The following CELA3A variants were observed in gnomAD, a reference collection of about 807,000 sequenced individuals.
The protein encoded by CELA3A is chymotrypsin like elastase 3A, also known as chymotrypsin-like elastase family member 3A.
CELA3A carries 35 observed loss-of-function variants against 38.6 expected under a neutral mutation model. That is an observed-to-expected ratio of 0.91 (90% CI 0.69 to 1.20). The LOEUF (loss-of-function observed/expected upper bound fraction) is 1.20. CELA3A is among the 50% of genes most tolerant of loss of function. The pLI is 0.00. For missense variants in CELA3A, 343 were observed against 354.2 expected, an observed-to-expected ratio of 0.97 and a Z score of 0.25; for synonymous variants, 143 against 136.7, an observed-to-expected ratio of 1.05 and a Z score of -0.32.
rs371200202 is a variant in CELA3A at position 22,005,811 on chromosome 1, C to T, written c.362+15C>T. 2.0e-5 allele frequency: 32 copies of T among 1,610,288 alleles called. No homozygotes were observed. The highest frequency in any genetic ancestry group is 1.1e-4 in the African/African-American group (8 of 74,502). ...GTGGCCTGTGGGTGAGTGAATGCTC[C>T]GGTCTGGAACCCAGGGGCTCCTCTA... On this transcript the variant is annotated intron_variant, in intron 4 of 7. Transcript: ENST00000290122.
intron 6 of CELA3A, among the ~76,000 whole-genome samples, chr1:22,007,849 C>A (rs1474372266): frequency 1.3e-5 from 2 of 151,378 alleles, no homozygotes; most frequent in Non-Finnish European, 2.9e-5. Context: ...TTATAATTAA[C>A]CATTAAGAAT....
At position 22,009,849 on chromosome 1, in the gene CELA3A, A is replaced by T. The variant is rs1644973249; in HGVS notation, c.787A>T (p.Ile263Phe). The change falls in exon 7 of 8, where the codon ATT becomes TTT. Residue 263 changes from isoleucine to phenylalanine, a missense_variant. Coordinates refer to ENST00000290122, the MANE Select transcript of CELA3A (RefSeq NM_005747.5). ...TCGAGTCTCCGCCTTCATCGACTGG[A>T]TTGAGGAGGTGAGGAGGGCAGGGCG... ...FTRVSAFIDW[I>F]EETIASH The T allele has an allele frequency of 6.2e-7, 1 of 1,612,070 alleles. No individual in the cohort carries two copies. Among genetic ancestry groups the T allele is most frequent in the East Asian group, 2.2e-5 (1 of 44,608 alleles).
chr1:22,009,609 A>C, intron 6 of CELA3A, 96 bp from the exon 7 acceptor site: 2 of 1,479,484 alleles, frequency 1.4e-6, no homozygotes, highest in Non-Finnish European at 1.8e-6. Flanking sequence ...AGAGGTGTCA[A>C]GTAATGTCAG....
chr1:22,006,165 C>T (rs1280059593), intron 4 of CELA3A: 2 of 249,020 alleles, frequency 8.0e-6, no homozygotes, highest in Admixed American at 4.8e-5. Context: ...GCATCCTGGG[C>T]TCCCAGCACT....
Position 22,009,743 on chromosome 1 carries a change from T to A in CELA3A, c.681T>A (p.Asp227Glu). Residue 227 changes from aspartate (D) to glutamate (E), a missense_variant, in exon 7 of 8, where the codon GAT becomes GAA. Asp to Glu is a conservative substitution (Grantham distance 45). Transcript: ENST00000290122. ...SGGPLNCPTE[D>E]GGWQVHGVTS... ...GACCCCTCAACTGCCCCACAGAGGA[T>A]GGTGGCTGGCAGGTCCACGGTGTGA... 1 of 1,612,138 alleles carries A rather than the reference T, an allele frequency of 6.2e-7. No homozygotes were observed. The highest frequency in any genetic ancestry group is 8.5e-7 in the Non-Finnish European group (1 of 1,179,406).
At chr1:22,005,001 A>G (rs1355171105) in intron 2 of CELA3A, among the ~76,000 whole-genome samples, 2 of 150,756 alleles carry the variant, frequency 1.3e-5, no homozygotes, top group Non-Finnish European at 2.9e-5. Flanking sequence ...GTGGAGGCTG[A>G]GACAGGAGAA....
intron 4 of CELA3A, chr1:22,006,006 C>T: frequency 2.6e-6 from 2 of 760,792 alleles, no homozygotes; most frequent in South Asian, 3.7e-5. Flanking sequence ...ACCACCAAAC[C>T]TGTCTCCCTA....
intron 2 of CELA3A, 52 bp downstream of exon 2, chr1:22,003,140 G>C (rs1415960077): frequency 6.8e-7 from 1 of 1,473,226 alleles, no homozygotes; most frequent in East Asian, 2.5e-5. Flanking sequence ...TGGACCCTAA[G>C]CTCTAATGGC....
In CELA3A at chr1:22,005,134, G is replaced by GTA. The variant is rs1569867481; in HGVS notation, c.130-312_130-311insAT. Among the ~76,000 whole-genome samples, 4 of 135,554 alleles carry GTA rather than the reference G, an allele frequency of 3.0e-5. No individual in the cohort carries two copies. In the East Asian group the frequency reaches 8.1e-4, roughly 28 times the overall value. The allele number at this position is 135,554 out of a possible 152,430, so 88.9% of individuals were successfully genotyped here. A position where few individuals can be genotyped will look rare whatever the true frequency, so the allele number is the denominator to read the frequency against. ...AAAAAACTCACAGGGCGAGGGGTGC[G>GTA]TGATAGAACAGAGGGCCTTCAAGGG... On this transcript the variant is annotated intron_variant, in intron 2 of 7. Transcript: ENST00000290122.
intron 4 of CELA3A, 108 bp from the exon 5 acceptor site, chr1:22,006,770 T>G: frequency 7.1e-7 from 1 of 1,403,562 alleles, no homozygotes; most frequent in Non-Finnish European, 9.7e-7. Flanking sequence ...ATTTGGAGGG[T>G]AAAGAAGTTG....
chr1:22,005,793 G>A lies in CELA3A; in HGVS notation c.359G>A (p.Cys120Tyr), dbSNP rs1158270066. The A allele has an allele frequency of 6.2e-7, 1 of 1,611,270 alleles. No homozygotes were observed. Among genetic ancestry groups the A allele is most frequent in the Non-Finnish European group, 8.5e-7 (1 of 1,179,368 alleles). Residue 120 changes from cysteine to tyrosine, a missense_variant, in exon 4 of 8, where the codon TGT becomes TAT. Cys to Tyr is a radical substitution (Grantham distance 194, BLOSUM62 -2). Transcript: ENST00000290122. ...HPLWNRSCVA[C>Y]GNDIALIKLS... is the part of the protein sequence containing the mutation. ...CTCTGGAACCGCTCGTGTGTGGCCT[G>A]TGGGTGAGTGAATGCTCCGGTCTGG...
At chr1:22,005,290 G>A (rs1253196802) in intron 2 of CELA3A, among the ~76,000 whole-genome samples, 157 bp from the exon 3 acceptor site, 1 of 151,784 alleles carries the variant, frequency 6.6e-6, no homozygotes, top group African/African-American at 2.4e-5. Flanking sequence ...CAGCTGCCCA[G>A]GTCGCAGGTT....
chr1:22,009,554 A>G, intron 6 of CELA3A, 151 bp from the exon 7 acceptor site: 6 of 1,106,852 alleles, frequency 5.4e-6, no homozygotes, highest in Non-Finnish European at 7.4e-6. Context: ...TCCATCTAAA[A>G]AAATAAAAAT....
intron 4 of CELA3A, chr1:22,006,208 C>A (rs913328202): frequency 2.8e-5 from 6 of 215,838 alleles, no homozygotes; most frequent in Admixed American, 1.5e-4. Flanking sequence ...GGCTGAGAGT[C>A]AGGCTCTGGC....
intron 7 of CELA3A, among the ~76,000 whole-genome samples, chr1:22,011,339 C>T (rs997871949): frequency 5.4e-5 from 8 of 147,118 alleles, no homozygotes; most frequent in African/African-American, 1.8e-4. Flanking sequence ...CGAGATTACG[C>T]CACTGCACTC....
chr1:22,005,626 C>T, intron 3 of CELA3A, 36 bp from the exon 4 acceptor site: 1 of 1,612,152 alleles, frequency 6.2e-7, no homozygotes, highest in Non-Finnish European at 8.5e-7. Context: ...GGAGGTGAGC[C>T]AGTCAGGCCC....
At chr1:22,002,924 T>C (rs7533677) in intron 1 of CELA3A, 79 bp from the exon 2 acceptor site, 102,437 of 1,251,852 alleles carry the variant, frequency 0.082, 10,622 homozygotes, top group African/African-American at 0.49. Flanking sequence ...GTTGAAGGCA[T>C]GGCTTGGACT....
chr1:22,011,353 C>G (rs561932090), intron 7 of CELA3A, among the ~76,000 whole-genome samples: 1 of 146,812 alleles, frequency 6.8e-6, no homozygotes, highest in South Asian at 2.1e-4. Context: ...TGCACTCCAG[C>G]CTGGGTGACA....
intron 2 of CELA3A, among the ~76,000 whole-genome samples, chr1:22,004,134 T>C (rs1381256869): frequency 6.7e-6 from 1 of 148,838 alleles, no homozygotes; most frequent in African/African-American, 2.5e-5. Flanking sequence ...TGCAGTGGTG[T>C]GATCTCAGCT....
Sources: allele counts gnomAD v4.1 joint callset (sites outside exome capture counted in the v4.1 genomes callset), GRCh38; gene constraint gnomAD v4.1.1; transcripts MANE v1.5; gene names NCBI Gene and HGNC (gene_info 2026-07-23, HGNC 2026-07-21).